Variants in SDK1 observed in about 807,000 individuals in gnomAD.
SDK1 encodes the protein protein sidekick-1.
Under a neutral mutation model 245.5 loss-of-function variants are expected in SDK1, and 157 were observed. That is an observed-to-expected ratio of 0.64 (90% confidence interval 0.56 to 0.73). The LOEUF (loss-of-function observed/expected upper bound fraction) is 0.73. SDK1 is among the 30% of genes least tolerant of loss of function. The probability of loss-of-function intolerance (pLI) is 0.00; values close to 1 mark genes in which losing one functional copy is unlikely to be tolerated. For synonymous variants in SDK1, 1,647 were observed against 1,278.5 expected, an observed-to-expected ratio of 1.29 and a Z score of -6.15; for missense variants, 3,583 against 3,002.3, an observed-to-expected ratio of 1.19 and a Z score of -4.52.
chr7:4,179,751 G>C (rs986512444), intron 35 of SDK1, among the ~76,000 whole-genome samples: 1 of 152,012 alleles, frequency 6.6e-6, no homozygotes, highest in African/African-American at 2.4e-5. Flanking sequence ...AGGGGTGCCA[G>C]GGTGCCGTCA....
intron 1 of SDK1, among the ~76,000 whole-genome samples, chr7:3,307,621 T>G (rs1462824632): frequency 6.6e-6 from 1 of 152,210 alleles, no homozygotes; most frequent in Non-Finnish European, 1.5e-5. Context: ...AGCCAGAAAC[T>G]CATTCCATCA....
At chr7:3,614,088 A>C (rs1203618049) in intron 1 of SDK1, among the ~76,000 whole-genome samples, 1 of 152,178 alleles carries the variant, frequency 6.6e-6, no homozygotes, top group African/African-American at 2.4e-5. Context: ...AAGTTTACCT[A>C]TGTAACAAAC....
At chr7:3,716,885 G>A (rs1281656089) in intron 4 of SDK1, among the ~76,000 whole-genome samples, 1 of 151,650 alleles carries the variant, frequency 6.6e-6, no homozygotes, top group African/African-American at 2.4e-5. Context: ...AGAGAAGAAG[G>A]CTTGCAACTA....
At chr7:3,696,071 G>C (rs1784564533) in intron 4 of SDK1, among the ~76,000 whole-genome samples, 1 of 151,958 alleles carries the variant, frequency 6.6e-6, no homozygotes, top group Non-Finnish European at 1.5e-5. Flanking sequence ...CTTGTCCCTT[G>C]TTCTTATGCA....
chr7:3,676,527 C>T (rs752863304), intron 4 of SDK1, among the ~76,000 whole-genome samples: 6 of 151,748 alleles, frequency 4.0e-5, no homozygotes, highest in Non-Finnish European at 5.9e-5. Flanking sequence ...GGGTTTCACC[C>T]TGTTAGCCGG....
intron 27 of SDK1, chr7:4,130,607 G>C (rs1336136184): frequency 6.5e-6 from 1 of 152,696 alleles, no homozygotes; most frequent in Non-Finnish European, 1.5e-5. Context: ...AGAGGTTATA[G>C]AAAGCCCCGT....
At chr7:3,970,668 C>T (rs1446853251) in intron 11 of SDK1, among the ~76,000 whole-genome samples, 1 of 152,208 alleles carries the variant, frequency 6.6e-6, no homozygotes, top group African/African-American at 2.4e-5. Flanking sequence ...ACTAGCCTGA[C>T]TGGGATAACG....
chr7:3,506,794 G>T (rs931074074), intron 1 of SDK1, among the ~76,000 whole-genome samples: 3 of 148,712 alleles, frequency 2.0e-5, no homozygotes, highest in African/African-American at 7.4e-5. Flanking sequence ...CCAGATGTTT[G>T]ATTTTTTCCT....
At chr7:3,923,221 G>T (rs552365419) in intron 5 of SDK1, among the ~76,000 whole-genome samples, 1 of 151,872 alleles carries the variant, frequency 6.6e-6, no homozygotes, top group African/African-American at 2.4e-5. Flanking sequence ...TAAATGTTCT[G>T]TTTCATAAGG....
intron 4 of SDK1, among the ~76,000 whole-genome samples, chr7:3,647,288 C>CT (rs1001360249): frequency 1.8e-4 from 27 of 151,516 alleles, no homozygotes; most frequent in African/African-American, 4.1e-4. Context: ...TTTTAATTGT[C>CT]TTTTTTTTTC....
At chr7:4,163,407 G>A (rs1345203046) in intron 32 of SDK1, among the ~76,000 whole-genome samples, 1 of 152,208 alleles carries the variant, frequency 6.6e-6, no homozygotes, top group Non-Finnish European at 1.5e-5. Context: ...TGGAGGGCGA[G>A]GGGATGTCCC....
chr7:3,797,034 T>C (rs376275847), intron 4 of SDK1, among the ~76,000 whole-genome samples: 4 of 151,906 alleles, frequency 2.6e-5, no homozygotes, highest in African/African-American at 9.7e-5. Flanking sequence ...AGACAGGGTC[T>C]TGCTCTGTGT....
intron 19 of SDK1, among the ~76,000 whole-genome samples, chr7:4,066,200 C>T (rs892452752): frequency 1.3e-5 from 2 of 152,152 alleles, no homozygotes; most frequent in African/African-American, 2.4e-5. Context: ...TTTTCTCCTC[C>T]CTGGCTTTGT....
At chr7:3,387,490 G>C (rs998636059) in intron 1 of SDK1, among the ~76,000 whole-genome samples, 11 of 152,206 alleles carry the variant, frequency 7.2e-5, no homozygotes, top group Non-Finnish European at 1.3e-4. Flanking sequence ...GTTTATAACA[G>C]AATCTGACAC....
chr7:3,990,194 T>G (rs1012982683), intron 14 of SDK1, among the ~76,000 whole-genome samples: 2 of 152,242 alleles, frequency 1.3e-5, no homozygotes, highest in Non-Finnish European at 2.9e-5. Flanking sequence ...AGGCAGTATG[T>G]TATTCCGGGT....
chr7:3,678,526 A>G (rs1009594103), intron 4 of SDK1, among the ~76,000 whole-genome samples: 4 of 152,242 alleles, frequency 2.6e-5, no homozygotes, highest in African/African-American at 4.8e-5. Flanking sequence ...CAAGCCAGAC[A>G]TAAAAGAACA....
chr7:3,972,432 G>T (rs1460324643), intron 12 of SDK1, among the ~76,000 whole-genome samples: 1 of 152,176 alleles, frequency 6.6e-6, no homozygotes, highest in Non-Finnish European at 1.5e-5. Flanking sequence ...TTCGGGCCAG[G>T]AAAGTAACTG....
intron 14 of SDK1, among the ~76,000 whole-genome samples, chr7:3,997,831 A>T (rs759993865): frequency 6.6e-6 from 1 of 152,116 alleles, no homozygotes; most frequent in African/African-American, 2.4e-5. Flanking sequence ...TCTTCTGCCC[A>T]GGAGTCTGTC....
chr7:3,839,605 C>T (rs1275573095), intron 5 of SDK1, among the ~76,000 whole-genome samples: 3 of 152,084 alleles, frequency 2.0e-5, no homozygotes, highest in Admixed American at 6.5e-5. Context: ...AAAATTGATG[C>T]TGAACACTTT....
Sources: gnomAD v4.1 joint callset for allele counts (sites outside exome capture counted in the v4.1 genomes callset) on GRCh38, gnomAD v4.1.1 for gene constraint, MANE v1.5 for transcripts, NCBI Gene and HGNC (gene_info 2026-07-23, HGNC 2026-07-21) for gene names.